SCN11A: variants seen among roughly 807,000 people sequenced by gnomAD.
The protein encoded by SCN11A is sodium channel protein type 11 subunit alpha.
A neutral mutation model predicts 162.2 loss-of-function variants in SCN11A; 122 were observed. That is an observed-to-expected ratio of 0.75 (90% confidence interval 0.65 to 0.87). SCN11A has a LOEUF of 0.87. Ranked by LOEUF, SCN11A falls within the 40% of genes least tolerant of loss-of-function variation. SCN11A has a pLI of 0.00. For synonymous variants in SCN11A, 758 were observed against 751.5 expected (o/e 1.01, Z -0.14); for missense variants, 2,015 against 2,181.6 (o/e 0.92, Z 1.52).
chr3:38,914,530 T>A (rs935787145), intron 11 of SCN11A, among the ~76,000 whole-genome samples: 25 of 152,290 alleles, frequency 1.6e-4, no homozygotes, highest in Non-Finnish European at 2.5e-4. Flanking sequence ...CTATGTTGAA[T>A]AGGAGTGGTG....
intron 26 of SCN11A, 99 bp downstream of exon 26, chr3:38,870,592 A>C: frequency 1.0e-6 from 1 of 953,102 alleles, no homozygotes. Context: ...AGAGAACCCC[A>C]GCTGCTGGAA....
intron 7 of SCN11A, among the ~76,000 whole-genome samples, chr3:38,927,188 T>C (rs551637236): frequency 8.1e-4 from 123 of 152,312 alleles, no homozygotes; most frequent in Admixed American, 1.8e-3. Context: ...TTCTTGAGAA[T>C]AGTTTCAGGT....
intron 16 of SCN11A, among the ~76,000 whole-genome samples, chr3:38,901,781 A>C (rs927260210): frequency 6.6e-6 from 1 of 152,214 alleles, no homozygotes; most frequent in Non-Finnish European, 1.5e-5. Context: ...GAGTAGGCCC[A>C]TGGAATGGAA....
At chr3:38,893,460 A>C (rs1281942482) in intron 19 of SCN11A, among the ~76,000 whole-genome samples, 1 of 152,208 alleles carries the variant, frequency 6.6e-6, no homozygotes, top group Non-Finnish European at 1.5e-5. Flanking sequence ...ATGAATAACA[A>C]CTAGATAGAA....
chr3:38,947,169 C>T (rs934612662), intron 5 of SCN11A, among the ~76,000 whole-genome samples: 4 of 152,048 alleles, frequency 2.6e-5, no homozygotes, highest in African/African-American at 4.8e-5. Context: ...TACGTATCAA[C>T]GGGGAAAGGG....
At chr3:38,934,361 T>G (rs62242298) in intron 7 of SCN11A, among the ~76,000 whole-genome samples, 2 of 151,866 alleles carry the variant, frequency 1.3e-5, no homozygotes, top group Non-Finnish European at 2.9e-5. Context: ...CAGGATCAAA[T>G]TCACACATAA....
intron 1 of SCN11A, among the ~76,000 whole-genome samples, chr3:39,047,324 T>C (rs1276094797): frequency 6.6e-6 from 1 of 151,584 alleles, no homozygotes; most frequent in East Asian, 1.9e-4. Context: ...ACCCCCTATA[T>C]GAAAAGGAAA....
intron 4 of SCN11A, among the ~76,000 whole-genome samples, chr3:38,951,089 A>G (rs933081745): frequency 5.9e-5 from 9 of 152,340 alleles, no homozygotes; most frequent in African/African-American, 1.7e-4. Context: ...TGCACTGTGG[A>G]AGCCCCTTTC....
rs780673867 is a variant in SCN11A, at chr3:38,926,918, C to CAGTGAAGA, written c.494_501dup (p.Gly168SerfsTer11). On this transcript the variant is annotated frameshift_variant, in exon 8 of 30. Coordinates refer to ENST00000302328, the MANE Select transcript of SCN11A (RefSeq NM_001349253.2). LOFTEE classifies it high-confidence loss of function. ...ATCAAAGCTTCAAAAATATAAATCC[C>CAGTGAAGA]AGTGAAGACACACCTAAAAAGCAAA... The CAGTGAAGA allele has an allele frequency of 3.1e-4, 493 of 1,612,684 alleles. 1 individual carries two copies. The highest frequency in any genetic ancestry group is 3.8e-4 in the Non-Finnish European group (454 of 1,179,280).
At chr3:38,950,445 C>T in intron 4 of SCN11A, 76 bp from the exon 5 acceptor site, 1 of 1,459,396 alleles carries the variant, frequency 6.9e-7, no homozygotes, top group Non-Finnish European at 9.5e-7. Flanking sequence ...CCTAGGATTC[C>T]AGTCTTAAAG....
At chr3:38,877,854 C>T (rs866384413) in intron 23 of SCN11A, among the ~76,000 whole-genome samples, 2 of 150,092 alleles carry the variant, frequency 1.3e-5, no homozygotes, top group Non-Finnish European at 3.0e-5. Context: ...TAAAAAGGAC[C>T]AAAATAGTGG....
chr3:38,935,195 C>A (rs984206431), intron 7 of SCN11A, among the ~76,000 whole-genome samples: 5 of 151,880 alleles, frequency 3.3e-5, no homozygotes, highest in African/African-American at 9.7e-5. Context: ...GCAGACACAA[C>A]ACACCAGAAT....
intron 5 of SCN11A, 59 bp from the exon 6 acceptor site, chr3:38,946,966 C>A: frequency 1.1e-6 from 1 of 946,536 alleles, no homozygotes; most frequent in Non-Finnish European, 1.7e-6. Context: ...GAATTAAATG[C>A]AGTGACAAAA....
At chr3:38,918,847 A>G (rs933512818) in intron 11 of SCN11A, among the ~76,000 whole-genome samples, 1 of 152,182 alleles carries the variant, frequency 6.6e-6, no homozygotes, top group Non-Finnish European at 1.5e-5. Context: ...AACACTCATC[A>G]CACTTTCTAG....
At position 38,907,971 on chromosome 3, in the gene SCN11A, G is replaced by A; in HGVS notation, c.1451C>T (p.Ser484Phe). ...SGKDQPPGSD[S>F]DEDCQKKPQL... ...TACCTTTTTTTGGCAATCTTCATCAGAATCTGACCCAGGAGGCTGGTCTTT... is the reference window on the plus strand; with the variant it reads ...TACCTTTTTTTGGCAATCTTCATCAAAATCTGACCCAGGAGGCTGGTCTTT... Residue 484 changes from serine to phenylalanine, a missense_variant, in exon 14 of 30, where the codon TCT (serine) becomes TTT (phenylalanine). Physicochemically the swap from Ser to Phe is radical, Grantham distance 155. Transcript: ENST00000302328. The A allele has an allele frequency of 6.2e-7, 1 of 1,606,578 alleles. No homozygotes were observed. The highest frequency in any genetic ancestry group is 8.5e-7 in the Non-Finnish European group (1 of 1,178,344).
chr3:39,001,265 C>T (rs554191486), intron 2 of SCN11A, among the ~76,000 whole-genome samples: 47 of 152,292 alleles, frequency 3.1e-4, no homozygotes, highest in African/African-American at 9.6e-4. Flanking sequence ...ACTCCATATC[C>T]GTTACAAAGC....
Position 38,909,195 on chromosome 3 carries a change from C to G in SCN11A, c.1102-1G>C, listed in dbSNP as rs150792553. 4 of 1,613,754 alleles carry G rather than the reference C, an allele frequency of 2.5e-6. No individual in the cohort carries two copies. Among genetic ancestry groups the G allele is most frequent in the Non-Finnish European group, 3.4e-6 (4 of 1,179,854 alleles). Reference sequence around the variant, plus strand: ...AGTAGAGCCCAGTAGTACGCAGGGTCTGCAAAGGACAGAGCATGTTCTTGA... The same window carrying G: ...AGTAGAGCCCAGTAGTACGCAGGGTGTGCAAAGGACAGAGCATGTTCTTGA... On this transcript the variant is annotated splice_acceptor_variant, in intron 12 of 29. Coordinates refer to ENST00000302328, the MANE Select transcript of SCN11A (RefSeq NM_001349253.2). LOFTEE classifies it high-confidence loss of function.
intron 2 of SCN11A, among the ~76,000 whole-genome samples, chr3:38,972,194 G>A (rs1358809141): frequency 6.6e-6 from 1 of 152,190 alleles, no homozygotes; most frequent in East Asian, 1.9e-4. Flanking sequence ...TCAGAGCTGT[G>A]CCTGCCTGGA....
intron 13 of SCN11A, among the ~76,000 whole-genome samples, chr3:38,908,351 T>G (rs1336895845): frequency 6.6e-6 from 1 of 152,212 alleles, no homozygotes; most frequent in African/African-American, 2.4e-5. Flanking sequence ...CTTTCATATC[T>G]CTGTGTCACT....
Sources: allele counts gnomAD v4.1 joint callset (sites outside exome capture counted in the v4.1 genomes callset), GRCh38; gene constraint gnomAD v4.1.1; transcripts MANE v1.5; gene names NCBI Gene and HGNC (gene_info 2026-07-23, HGNC 2026-07-21).